The following PITPNC1 variants were observed in gnomAD, a reference collection of about 807,000 sequenced individuals.
PITPNC1 encodes cytoplasmic phosphatidylinositol transfer protein 1.
A neutral mutation model predicts 44.7 loss-of-function variants in PITPNC1; 18 were observed. That is an observed-to-expected ratio of 0.40 (90% confidence interval 0.28 to 0.60). The LOEUF (loss-of-function observed/expected upper bound fraction) is 0.60. Among genes scored for constraint, PITPNC1 ranks in the 20% least tolerant of loss-of-function variants. The probability of loss-of-function intolerance (pLI) is 0.39; values close to 1 mark genes in which losing one functional copy is unlikely to be tolerated. For missense variants in PITPNC1, 290 were observed against 418.4 expected, an observed-to-expected ratio of 0.69 and a Z score of 2.68; for synonymous variants, 141 against 149.6, an observed-to-expected ratio of 0.94 and a Z score of 0.42.
At chr17:67,424,849 C>T (rs1327513028) in intron 1 of PITPNC1, among the ~76,000 whole-genome samples, 1 of 151,936 alleles carries the variant, frequency 6.6e-6, no homozygotes, top group South Asian at 2.1e-4. Context: ...AGCATGTGAC[C>T]TTCGTGTATA....
chr17:67,637,425 C>T (rs1240754977), intron 6 of PITPNC1, among the ~76,000 whole-genome samples: 2 of 152,078 alleles, frequency 1.3e-5, no homozygotes, highest in Admixed American at 1.3e-4. Flanking sequence ...GAATCTGTTC[C>T]TGGATTTTTT....
At chr17:67,540,254 C>T (rs939561206) in intron 2 of PITPNC1, among the ~76,000 whole-genome samples, 3 of 152,060 alleles carry the variant, frequency 2.0e-5, no homozygotes, top group Non-Finnish European at 4.4e-5. Flanking sequence ...CAGGCACATG[C>T]TCCCACGCCT....
At chr17:67,661,106 C>T (rs148035286) in intron 6 of PITPNC1, among the ~76,000 whole-genome samples, 17 of 151,284 alleles carry the variant, frequency 1.1e-4, no homozygotes, top group African/African-American at 4.1e-4. Context: ...TCCTGGCCTC[C>T]CAAAGTGCTG....
rs2042613630 is a variant in PITPNC1, at chr17:67,676,920, A to G, written c.682+1378A>G. On this transcript the variant is annotated intron_variant, in intron 8 of 8. Transcript: ENST00000581322. The surrounding 1 kb of genome is among the most constrained non-coding windows in gnomAD (Gnocchi z 4.0). The stretch of plus-strand genomic sequence containing the variant: ...TCCTGGGTTTGTCCAAATGCAGATC[A>G]TTTATGCTCTCTTATCACACACCCA... Among the ~76,000 whole-genome samples, 1 of 151,632 alleles carries G rather than the reference A, an allele frequency of 6.6e-6. No individual in the cohort carries two copies. The highest frequency in any genetic ancestry group is 2.4e-5 in the African/African-American group (1 of 41,228).
At chr17:67,540,095 ATTTTAT>A (rs2040585793) in intron 2 of PITPNC1, among the ~76,000 whole-genome samples, 1 of 150,530 alleles carries the variant, frequency 6.6e-6, no homozygotes, top group Non-Finnish European at 1.5e-5. Flanking sequence ...ATTTTATTTT[ATTTTAT>A]TTTATTTTAT....
intron 4 of PITPNC1, among the ~76,000 whole-genome samples, chr17:67,562,811 G>C (rs749048670): frequency 2.0e-5 from 3 of 152,146 alleles, no homozygotes; most frequent in Non-Finnish European, 4.4e-5. Flanking sequence ...AAGATCTTCT[G>C]TGCACAAAAC....
chr17:67,466,445 A>G (rs2039429290), intron 1 of PITPNC1, among the ~76,000 whole-genome samples: 1 of 152,162 alleles, frequency 6.6e-6, no homozygotes, highest in Admixed American at 6.5e-5. Context: ...GATGGGACCC[A>G]TTAGTAGCTG....
rs139048768 is a variant in PITPNC1, at chr17:67,501,755, C to T, written c.49-31047C>T. Among the ~76,000 whole-genome samples, 1,202 of 151,886 alleles carry T rather than the reference C, an allele frequency of 7.9e-3. 12 individuals carry two copies. The highest frequency in any genetic ancestry group is 0.014 in the Middle Eastern group (4 of 294). On this transcript the variant is annotated intron_variant, in intron 1 of 8. Transcript: ENST00000581322. ...GGCTGAAGCAGGAGAATTGCTCGAA[C>T]GTGGGAGGTGGAGGTTGCAGTGAGC...
chr17:67,628,784 C>A (rs2041928074), intron 5 of PITPNC1, among the ~76,000 whole-genome samples: 1 of 152,186 alleles, frequency 6.6e-6, no homozygotes, highest in Admixed American at 6.5e-5. Context: ...TGGGCCCAGG[C>A]TAGGGCTGCA....
chr17:67,494,007 G>T (rs1368581), intron 1 of PITPNC1, among the ~76,000 whole-genome samples: 13,066 of 152,122 alleles, frequency 0.086, 568 homozygotes, highest in South Asian at 0.14. Flanking sequence ...AGTCCCCAGG[G>T]ATAGAGCATG....
chr17:67,561,880 G>A (rs558578598), intron 4 of PITPNC1, among the ~76,000 whole-genome samples: 1 of 152,318 alleles, frequency 6.6e-6, no homozygotes, highest in African/African-American at 2.4e-5. Flanking sequence ...ACAGGCGTGA[G>A]CCATCACGCC....
At chr17:67,613,109 A>C (rs999849039) in intron 5 of PITPNC1, 5 of 152,292 alleles carry the variant, frequency 3.3e-5, no homozygotes, top group Non-Finnish European at 5.9e-5. Flanking sequence ...AGGCAGGAGA[A>C]TCACTTGAAC....
At position 67,532,901 on chromosome 17, in the gene PITPNC1, C is replaced by G. The variant is rs746596480; in HGVS notation, c.148C>G (p.Pro50Ala). The change falls in exon 2 of 9, where the codon CCT (proline) becomes GCT (alanine). Residue 50 changes from proline (P) to alanine (A), a missense_variant. Physicochemically the swap from Pro to Ala is conservative, Grantham distance 27. Coordinates refer to ENST00000581322, the MANE Select transcript of PITPNC1 (RefSeq NM_012417.4). ...EVVQNEPFED[P>A]HHGNGQFTEK... is the part of the protein sequence containing the mutation. ...CGTCCAGAATGAGCCCTTTGAGGAC[C>G]CTCACCATGGCAATGGGCAGTTCAC... The G allele has an allele frequency of 1.2e-6, 2 of 1,610,322 alleles. No homozygotes were observed. Among genetic ancestry groups the G allele is most frequent in the Non-Finnish European group, 1.7e-6 (2 of 1,178,700 alleles).
chr17:67,599,035 T>TATATATATATATATATATATATA lies in PITPNC1; in HGVS notation c.366+20778_366+20779insATATATATATATATATATATATA, dbSNP rs71139161. ...ATATATATATATATATATATATATA[T>TATATATATATATATATATATATA]TTTTTTTTTTTTTTTTTTTACCATG... On this transcript the variant is annotated intron_variant, in intron 5 of 8. Transcript: ENST00000581322. Among the ~76,000 whole-genome samples, 17 of 28,868 alleles carry TATATATATATATATATATATATA rather than the reference T, an allele frequency of 5.9e-4. 1 individual carries two copies. The highest frequency in any genetic ancestry group is 1.6e-3 in the South Asian group (1 of 620). The allele number at this position is 28,868 out of a possible 152,430, so 18.9% of individuals were successfully genotyped here.
chr17:67,425,764 C>T (rs533278316), intron 1 of PITPNC1, among the ~76,000 whole-genome samples: 4 of 152,136 alleles, frequency 2.6e-5, no homozygotes, highest in East Asian at 3.9e-4. Flanking sequence ...CCTAGCCTTA[C>T]GTGATCCTTT....
chr17:67,674,776 G>A (rs900410517), intron 7 of PITPNC1, among the ~76,000 whole-genome samples: 1 of 152,086 alleles, frequency 6.6e-6, no homozygotes, highest in Admixed American at 6.6e-5. Flanking sequence ...CAGTTTGGGA[G>A]GTCGAGGTGG....
intron 6 of PITPNC1, among the ~76,000 whole-genome samples, chr17:67,664,891 C>T (rs1264675597): frequency 4.2e-5 from 6 of 143,978 alleles, no homozygotes; most frequent in Admixed American, 2.9e-4. Context: ...GGCGACAGAG[C>T]GAGACTCCAT....
At chr17:67,514,903 G>C (rs1315311952) in intron 1 of PITPNC1, among the ~76,000 whole-genome samples, 1 of 152,124 alleles carries the variant, frequency 6.6e-6, no homozygotes, top group Non-Finnish European at 1.5e-5. Context: ...TCATAGTTAG[G>C]ATTATTTACA....
At chr17:67,555,294 C>G (rs988388200) in intron 4 of PITPNC1, among the ~76,000 whole-genome samples, 2 of 152,164 alleles carry the variant, frequency 1.3e-5, no homozygotes, top group African/African-American at 4.8e-5. Context: ...TAAATGTTTT[C>G]TGTTTTGTGA....
Sources: gnomAD v4.1 joint callset for allele counts (sites outside exome capture counted in the v4.1 genomes callset) on GRCh38, gnomAD v4.1.1 for gene constraint, Gnocchi (gnomAD v3.1) non-coding constraint, MANE v1.5 for transcripts, NCBI Gene and HGNC (gene_info 2026-07-23, HGNC 2026-07-21) for gene names.